KCNN1: variants seen among roughly 807,000 people sequenced by gnomAD.
KCNN1 encodes the protein potassium calcium-activated channel subfamily N member 1, also known as small conductance calcium-activated potassium channel protein 1.
Under a neutral mutation model 44.7 loss-of-function variants are expected in KCNN1, and 20 were observed. The observed-to-expected ratio is 0.45, with a 90% CI of 0.32 to 0.65. KCNN1 has a LOEUF of 0.65. KCNN1 is among the 30% of genes least tolerant of loss of function. KCNN1 has a pLI of 0.05. For missense variants in KCNN1, 632 were observed against 785.3 expected (o/e 0.80, Z 2.33); for synonymous variants, 324 against 341.7 (o/e 0.95, Z 0.57).
Position 17,974,028 on chromosome 19 carries a change from C to G in KCNN1, c.140C>G (p.Ala47Gly), listed in dbSNP as rs202131645. 74 of 1,606,058 alleles carry G rather than the reference C, an allele frequency of 4.6e-5. No homozygotes were observed. The African/African-American group carries it at 9.1e-4, about 20-fold the overall frequency. ...AGCCCGGGCCTCCAGGTGGTAGTGG[C>G]CAAGAGTGAGCCAGCCCGGCCCTCA... ...PHSPGLQVVV[A>G]KSEPARPSPG... The change falls in exon 2 of 10, where the codon GCC (alanine) becomes GGC (glycine). Residue 47 changes from alanine to glycine, a missense_variant. Physicochemically the swap from Ala to Gly is moderately conservative, Grantham distance 60. Coordinates refer to ENST00000684775, the MANE Select transcript of KCNN1 (RefSeq NM_001386974.1). This position sits in a 1 kb window ranked among gnomAD's most constrained non-coding sequence, Gnocchi z 7.3.
intron 2 of KCNN1, among the ~76,000 whole-genome samples, chr19:17,958,162 G>A (rs2031588345): frequency 6.6e-6 from 1 of 152,026 alleles, no homozygotes; most frequent in African/African-American, 2.4e-5. Context: ...AATGCCAGGG[G>A]ATCACTGAGC....
At chr19:17,961,820 C>G (rs1274970076) in intron 2 of KCNN1, among the ~76,000 whole-genome samples, 2 of 152,082 alleles carry the variant, frequency 1.3e-5, no homozygotes, top group African/African-American at 2.4e-5. Context: ...AATTCCTGAC[C>G]TCAGGTGATC....
In KCNN1 at chr19:17,993,528, A is replaced by G; in HGVS notation, c.1346A>G (p.Asp449Gly). 4 of 1,613,710 alleles carry G rather than the reference A, an allele frequency of 2.5e-6. No individual in the cohort carries two copies. Among genetic ancestry groups the G allele is most frequent in the South Asian group, 1.1e-5 (1 of 91,078 alleles). ...SVKIEQGKLN[D>G]QANTLTDLAK... Reference sequence around the variant, plus strand: ...AAGATCGAGCAAGGGAAGCTGAACGACCAGGCTAACACGCTTACCGACCTA... The same window carrying G: ...AAGATCGAGCAAGGGAAGCTGAACGGCCAGGCTAACACGCTTACCGACCTA... The change falls in exon 9 of 10, where the codon GAC becomes GGC. Residue 449 changes from aspartate to glycine, a missense_variant. Asp to Gly is a moderately conservative substitution (Grantham distance 94). This residue lies in a region of KCNN1 where 237 missense variants were observed against 253.0 expected (regional missense o/e 0.94). Coordinates refer to ENST00000684775, the MANE Select transcript of KCNN1 (RefSeq NM_001386974.1). The surrounding 1 kb of genome is among the most constrained non-coding windows in gnomAD (Gnocchi z 4.5).
chr19:17,967,817 G>A (rs2031869017), intron 1 of KCNN1, among the ~76,000 whole-genome samples: 1 of 152,082 alleles, frequency 6.6e-6, no homozygotes, highest in East Asian at 1.9e-4. Flanking sequence ...GCAGATGGGA[G>A]TTCCCGAGGC....
intron 9 of KCNN1, among the ~76,000 whole-genome samples, chr19:17,994,601 T>C (rs942105206): frequency 3.9e-5 from 6 of 152,108 alleles, no homozygotes; most frequent in Admixed American, 1.3e-4. Flanking sequence ...TGGAGTGCAG[T>C]GGCGTGATCT....
At chr19:17,955,950 G>A (rs757274438) in intron 2 of KCNN1, among the ~76,000 whole-genome samples, 1 of 151,626 alleles carries the variant, frequency 6.6e-6, no homozygotes, top group Non-Finnish European at 1.5e-5. Flanking sequence ...TTTGTTTTGA[G>A]ACAGAGTCTG....
chr19:17,998,803 A>C lies in KCNN1; in HGVS notation c.*397A>C. The C allele has an allele frequency of 5.8e-6, 1 of 171,170 alleles. No homozygotes were observed. The highest frequency in any genetic ancestry group is 6.2e-5 in the Admixed American group (1 of 16,080). 10.6% of individuals were successfully genotyped at this position (171,170 alleles called of 1,614,324 possible). On this transcript the variant is annotated 3_prime_UTR_variant, in exon 10 of 10. Transcript: ENST00000684775. The surrounding 1 kb of genome is among the most constrained non-coding windows in gnomAD (Gnocchi z 5.4). ...CAAGATGAATGTGGGAATCAGAAAAACCTGTTCCCATCACCGGCCTAGCCT... is the reference window on the plus strand; with the variant it reads ...CAAGATGAATGTGGGAATCAGAAAACCCTGTTCCCATCACCGGCCTAGCCT...
At chr19:17,967,958 G>C (rs1042900305) in intron 1 of KCNN1, among the ~76,000 whole-genome samples, 1 of 151,866 alleles carries the variant, frequency 6.6e-6, no homozygotes, top group African/African-American at 2.4e-5. Context: ...GTGATGGGGG[G>C]ATCGGGCGGG....
chr19:17,991,592 GC>G (rs1485479263), intron 7 of KCNN1, among the ~76,000 whole-genome samples: 1 of 151,298 alleles, frequency 6.6e-6, no homozygotes, highest in Non-Finnish European at 1.5e-5. Flanking sequence ...AATTAGCCGG[GC>G]ATGGTGGCAC....
Position 17,982,092 on chromosome 19 carries a change from G to C in KCNN1, c.882G>C (p.Trp294Cys). The change falls in exon 4 of 10, where the codon TGG becomes TGC. Residue 294 changes from tryptophan (W) to cysteine (C), a missense_variant. Physicochemically the swap from Trp to Cys is radical, Grantham distance 215. Around this residue, in one of 3 missense-constraint regions of KCNN1, gnomAD observed 160 missense variants for 308.3 expected, o/e 0.52. Transcript: ENST00000684775. Reference sequence around the variant, plus strand: ...TGCTGGTCTTCAGCATCTCCTCCTGGATCATCGCAGCCTGGACCGTGCGCG... The same window carrying C: ...TGCTGGTCTTCAGCATCTCCTCCTGCATCATCGCAGCCTGGACCGTGCGCG... Reference protein sequence around the residue: ...TVLLVFSISSWIIAAWTVRVC... With the variant: ...TVLLVFSISSCIIAAWTVRVC... The C allele has an allele frequency of 6.2e-7, 1 of 1,602,566 alleles. No homozygotes were observed. The highest frequency in any genetic ancestry group is 8.5e-7 in the Non-Finnish European group (1 of 1,175,950).
At chr19:17,976,514 G>A (rs1040003531) in intron 3 of KCNN1, among the ~76,000 whole-genome samples, 3 of 151,156 alleles carry the variant, frequency 2.0e-5, no homozygotes, top group Non-Finnish European at 1.5e-5. Context: ...CGCCTCCTGG[G>A]TTCAAGCAAT....
In KCNN1 at chr19:17,974,011, C is replaced by A; in HGVS notation, c.123C>A (p.Gly41=). 6.3e-7 allele frequency: 1 copy of A among 1,599,306 alleles called. No individual in the cohort carries two copies. Among genetic ancestry groups the A allele is most frequent in the Non-Finnish European group, 8.5e-7 (1 of 1,174,200 alleles). ...CCCCACAACCCCCGCACAGCCCGGG[C>A]CTCCAGGTGGTAGTGGCCAAGAGTG... ...GHPPQPPHSP[G]LQVVVAKSEP... Residue 41 remains glycine (G), a synonymous_variant, in exon 2 of 10, where the codon GGC becomes GGA. Transcript: ENST00000684775. This position sits in a 1 kb window ranked among gnomAD's most constrained non-coding sequence, Gnocchi z 7.3.
At chr19:17,965,283 AAAAG>A (rs1371221644), upstream of KCNN1, among the ~76,000 whole-genome samples, 4 of 151,764 alleles carry the variant, frequency 2.6e-5, no homozygotes, top group African/African-American at 9.7e-5. Context: ...CAAAAAAAAA[AAAAG>A]AAAGAAAAAA....
intron 1 of KCNN1, among the ~76,000 whole-genome samples, chr19:17,972,850 C>A (rs920938166): frequency 2.6e-5 from 4 of 152,196 alleles, no homozygotes; most frequent in Non-Finnish European, 5.9e-5. Flanking sequence ...CATCTTCCAG[C>A]GTTCAGCAAG....
At chr19:17,951,390 G>A (rs2031403542) in exon 1 of KCNN1, 1 of 152,346 alleles carries the variant, frequency 6.6e-6, no homozygotes, top group African/African-American at 2.4e-5. Context: ...CGGACTCGGA[G>A]AGCTGGAGGG....
intron 7 of KCNN1, among the ~76,000 whole-genome samples, chr19:17,991,302 T>A (rs2032787035): frequency 2.0e-5 from 3 of 151,834 alleles, no homozygotes; most frequent in Admixed American, 2.0e-4. Context: ...AATAAAAAAA[T>A]TAGCCCAGTG....
intron 3 of KCNN1, among the ~76,000 whole-genome samples, chr19:17,977,559 A>C (rs2032248147): frequency 6.6e-6 from 1 of 151,988 alleles, no homozygotes; most frequent in Non-Finnish European, 1.5e-5. Flanking sequence ...CATGTTGGCC[A>C]GGCTGGTCTT....
rs1389799864 is a variant in KCNN1, at chr19:17,973,983, A to AC, written c.101dup (p.Gln35ThrfsTer16). On this transcript the variant is annotated frameshift_variant, in exon 2 of 10. Coordinates refer to ENST00000684775, the MANE Select transcript of KCNN1 (RefSeq NM_001386974.1). Reference sequence around the variant, plus strand: ...GACCCTCCGGACCCTGAGGCCGGCCACCCCCCACAACCCCCGCACAGCCCG... The same window carrying AC: ...GACCCTCCGGACCCTGAGGCCGGCCACCCCCCCACAACCCCCGCACAGCCCG... 1 of 1,574,460 alleles carries AC rather than the reference A, an allele frequency of 6.4e-7. No homozygotes were observed. Among genetic ancestry groups the AC allele is most frequent in the Non-Finnish European group, 8.6e-7 (1 of 1,162,324 alleles).
At position 17,973,853 on chromosome 19, in the gene KCNN1, G is replaced by T; in HGVS notation, c.-36G>T. 3 of 1,542,484 alleles carry T rather than the reference G, an allele frequency of 1.9e-6. No individual in the cohort carries two copies. Among genetic ancestry groups the T allele is most frequent in the Non-Finnish European group, 1.7e-6 (2 of 1,146,418 alleles). On this transcript the variant is annotated 5_prime_UTR_variant, in exon 2 of 10. Coordinates refer to ENST00000684775, the MANE Select transcript of KCNN1 (RefSeq NM_001386974.1). The stretch of plus-strand genomic sequence containing the variant: ...GCTGAGCCATGCCGGGCCCCGGGCG[G>T]CCTGCAGCGAGCCCAACCCCTGCAC...
Sources: allele counts gnomAD v4.1 joint callset (sites outside exome capture counted in the v4.1 genomes callset), GRCh38; gene constraint gnomAD v4.1.1; regional missense constraint gnomAD v4.1.1; non-coding constraint Gnocchi (gnomAD v3.1); transcripts MANE v1.5; gene names NCBI Gene and HGNC (gene_info 2026-07-23, HGNC 2026-07-21).